Variants in CCDC91 observed in about 807,000 individuals in gnomAD.
CCDC91 encodes the protein coiled-coil domain containing 91.
A neutral mutation model predicts 63.2 loss-of-function variants in CCDC91; 48 were observed. The ratio of observed to expected loss-of-function variants is 0.76; its 90% confidence interval spans 0.60 to 0.97. CCDC91 has a LOEUF of 0.97. CCDC91 is among the 50% of genes least tolerant of loss of function. CCDC91 has a pLI of 0.00. For synonymous variants in CCDC91, 167 were observed against 165.8 expected, an observed-to-expected ratio of 1.01 and a Z score of -0.06; for missense variants, 500 against 494.6, an observed-to-expected ratio of 1.01 and a Z score of -0.10.
intron 8 of CCDC91, among the ~76,000 whole-genome samples, chr12:28,412,347 T>C (rs11049576): frequency 0.19 from 28,727 of 152,206 alleles, 3,565 homozygotes; most frequent in Non-Finnish European, 0.28. Context: ...CAGATCATGC[T>C]ACCCCAAAAT....
intron 6 of CCDC91, among the ~76,000 whole-genome samples, chr12:28,339,710 C>G (rs1206701944): frequency 1.3e-5 from 2 of 152,008 alleles, no homozygotes; most frequent in Non-Finnish European, 2.9e-5. Flanking sequence ...TGGTATTTGC[C>G]TGGGATCTGG....
rs1370292496 is a variant in CCDC91, at chr12:28,452,633, A to G, written c.1080A>G (p.Gln360=). Residue 360 remains glutamine, a synonymous_variant, in exon 11 of 13, where the codon CAA becomes CAG. Coordinates refer to ENST00000536442, the MANE Select transcript of CCDC91 (RefSeq NM_018318.5). ...CTCAGGAAATTCAAAAAGCTATACAAGAACAAAGAAAAATAAGTCAGGTTA... is the reference window on the plus strand; with the variant it reads ...CTCAGGAAATTCAAAAAGCTATACAGGAACAAAGAAAAATAAGTCAGGTTA... ...KVSQEIQKAI[Q]EQRKISQETV... is the part of the protein sequence containing the mutation. 4 of 1,541,642 alleles carry G rather than the reference A, an allele frequency of 2.6e-6. No homozygotes were observed. Among genetic ancestry groups the G allele is most frequent in the Non-Finnish European group, 3.5e-6 (4 of 1,144,566 alleles).
At chr12:28,477,244 C>T (rs1951152080) in intron 11 of CCDC91, among the ~76,000 whole-genome samples, 1 of 152,128 alleles carries the variant, frequency 6.6e-6, no homozygotes, top group African/African-American at 2.4e-5. Flanking sequence ...AAACCGAATC[C>T]AGCAGCATAT....
At chr12:28,241,541 C>T (rs1379553719) in intron 1 of CCDC91, among the ~76,000 whole-genome samples, 1 of 152,114 alleles carries the variant, frequency 6.6e-6, no homozygotes, top group East Asian at 1.9e-4. Flanking sequence ...GTAATCTAAT[C>T]TGTCCTCATC....
intron 3 of CCDC91, among the ~76,000 whole-genome samples, chr12:28,295,499 T>G (rs751987903): frequency 8.3e-4 from 126 of 152,234 alleles, no homozygotes; most frequent in Non-Finnish European, 1.3e-3. Flanking sequence ...CCATGACATC[T>G]GACAACTAAG....
At chr12:28,518,937 T>A (rs1243088491) in intron 12 of CCDC91, among the ~76,000 whole-genome samples, 1 of 152,004 alleles carries the variant, frequency 6.6e-6, no homozygotes, top group Non-Finnish European at 1.5e-5. Flanking sequence ...TATTTTTGTT[T>A]GCTTTGTCGA....
At chr12:28,490,904 G>T (rs1951964174) in intron 12 of CCDC91, among the ~76,000 whole-genome samples, 1 of 143,888 alleles carries the variant, frequency 6.9e-6, no homozygotes, top group South Asian at 2.3e-4. Context: ...ACTTTGGTGA[G>T]ATGACCCTAT....
rs1949077542 is a variant in CCDC91, at chr12:28,439,592, T to A, written c.763-10569T>A. On this transcript the variant is annotated intron_variant, in intron 8 of 12. Transcript: ENST00000536442. Reference sequence around the variant, plus strand: ...TGTATGGTCAGTGGAAGTTTATACCTGAACATGAGCCACCATGATTGCTTA... The same window carrying A: ...TGTATGGTCAGTGGAAGTTTATACCAGAACATGAGCCACCATGATTGCTTA... Among the ~76,000 whole-genome samples, 5 of 152,156 alleles carry A rather than the reference T, an allele frequency of 3.3e-5. 1 individual carries two copies. In the South Asian group the frequency reaches 1.0e-3, roughly 32 times the overall value.
At chr12:28,293,363 T>A (rs1387175764) in intron 3 of CCDC91, among the ~76,000 whole-genome samples, 2 of 152,208 alleles carry the variant, frequency 1.3e-5, no homozygotes, top group African/African-American at 4.8e-5. Context: ...AATATTCACA[T>A]ACTGTAACTA....
chr12:28,449,381 G>C (rs370675662), intron 8 of CCDC91, among the ~76,000 whole-genome samples: 185 of 152,088 alleles, frequency 1.2e-3, no homozygotes, highest in African/African-American at 4.0e-3. Flanking sequence ...AAAAATATAT[G>C]AGTAGCAATA....
chr12:28,327,069 A>G (rs1341305657), intron 6 of CCDC91, among the ~76,000 whole-genome samples: 2 of 152,134 alleles, frequency 1.3e-5, no homozygotes, highest in Non-Finnish European at 2.9e-5. Context: ...ACTTCTCAAA[A>G]CCGGAGCGCT....
chr12:28,527,339 C>T (rs1276628008), intron 12 of CCDC91, among the ~76,000 whole-genome samples: 1 of 152,170 alleles, frequency 6.6e-6, no homozygotes, highest in African/African-American at 2.4e-5. Flanking sequence ...GATGGGGGTT[C>T]CCGAGAGCTG....
chr12:28,394,123 G>A lies in CCDC91; in HGVS notation c.762+2712G>A, dbSNP rs138681745. Among the ~76,000 whole-genome samples, 244 of 152,276 alleles carry A rather than the reference G, an allele frequency of 1.6e-3. 1 individual carries two copies. The highest frequency in any genetic ancestry group is 2.8e-3 in the Non-Finnish European group (191 of 68,012). On this transcript the variant is annotated intron_variant, in intron 8 of 12. Transcript: ENST00000536442. ...TACTTGGTGAAGAACACCCCAGGAC[G>A]TTTATAGGATTATAAGCGGTTCAGT...
intron 8 of CCDC91, among the ~76,000 whole-genome samples, chr12:28,424,411 T>C (rs1222492382): frequency 6.6e-6 from 1 of 152,188 alleles, no homozygotes; most frequent in Non-Finnish European, 1.5e-5. Context: ...GGTGACAGGC[T>C]ACAGTCCTAC....
At position 28,309,480 on chromosome 12, in the gene CCDC91, A is replaced by G. The variant is rs566557668; in HGVS notation, c.576+1731A>G. ...CCATGTTGTTAAATTTCCTATCTAA[A>G]TCCTGTTCTTCACATGCTGCTTAAA... On this transcript the variant is annotated intron_variant, in intron 6 of 12. Transcript: ENST00000536442. Among the ~76,000 whole-genome samples, 3 of 152,102 alleles carry G rather than the reference A, an allele frequency of 2.0e-5. No individual in the cohort carries two copies. The East Asian group carries it at 5.8e-4, about 29-fold the overall frequency.
intron 8 of CCDC91, among the ~76,000 whole-genome samples, chr12:28,403,834 A>T (rs1035028671): frequency 6.6e-6 from 1 of 151,846 alleles, no homozygotes; most frequent in African/African-American, 2.4e-5. Flanking sequence ...GTATTCTTTT[A>T]TTTTTCTTTT....
intron 6 of CCDC91, among the ~76,000 whole-genome samples, chr12:28,318,542 A>G (rs1385116801): frequency 6.6e-6 from 1 of 151,892 alleles, no homozygotes; most frequent in Non-Finnish European, 1.5e-5. Flanking sequence ...CCCTGTCTCC[A>G]AAAAAATTTC....
intron 6 of CCDC91, among the ~76,000 whole-genome samples, chr12:28,312,237 T>C (rs898874421): frequency 6.6e-6 from 1 of 151,806 alleles, no homozygotes; most frequent in African/African-American, 2.4e-5. Context: ...TGAGCTCCCA[T>C]GGAGTCATTC....
At chr12:28,252,268 C>T (rs1946164636) in intron 1 of CCDC91, among the ~76,000 whole-genome samples, 1 of 151,706 alleles carries the variant, frequency 6.6e-6, no homozygotes, top group African/African-American at 2.4e-5. Context: ...CTTTTTTTCT[C>T]TTGGACAGTT....
Sources: gnomAD v4.1 joint callset for allele counts (sites outside exome capture counted in the v4.1 genomes callset) on GRCh38, gnomAD v4.1.1 for gene constraint, MANE v1.5 for transcripts, NCBI Gene and HGNC (gene_info 2026-07-23, HGNC 2026-07-21) for gene names.